The following LDLRAD4 variants were observed in gnomAD, a reference collection of about 807,000 sequenced individuals.
LDLRAD4 encodes the protein low density lipoprotein receptor class A domain containing 4.
Under a neutral mutation model 17.0 loss-of-function variants are expected in LDLRAD4, and 5 were observed. That is an observed-to-expected ratio of 0.29 (90% CI 0.15 to 0.62). The LOEUF (loss-of-function observed/expected upper bound fraction) is 0.62. Among genes scored for constraint, LDLRAD4 ranks in the 20% least tolerant of loss-of-function variants. The pLI is 0.84. For synonymous variants in LDLRAD4, 168 were observed against 171.8 expected (o/e 0.98, Z 0.17); for missense variants, 340 against 424.7 (o/e 0.80, Z 1.75).
upstream of LDLRAD4, among the ~76,000 whole-genome samples, chr18:13,274,159 T>G (rs555789573): frequency 2.1e-3 from 319 of 152,294 alleles, 1 homozygote; most frequent in Non-Finnish European, 3.3e-3. Context: ...TCCGGGAGGC[T>G]TAGTGTTTCT....
chr18:13,534,574 A>G (rs1791324939), intron 3 of LDLRAD4, among the ~76,000 whole-genome samples: 1 of 152,214 alleles, frequency 6.6e-6, no homozygotes, highest in African/African-American at 2.4e-5. Context: ...GAAAGTCAAA[A>G]TAAACACATA....
chr18:13,221,876 T>G (rs1050441651), intron 1 of LDLRAD4, among the ~76,000 whole-genome samples: 1 of 152,230 alleles, frequency 6.6e-6, no homozygotes, highest in Non-Finnish European at 1.5e-5. Context: ...CTCCCTTGAT[T>G]GGCAGCTGCG....
chr18:13,576,437 A>AG (rs1555750704), intron 3 of LDLRAD4, among the ~76,000 whole-genome samples: 9 of 83,682 alleles, frequency 1.1e-4, no homozygotes, highest in Non-Finnish European at 2.3e-4. Context: ...AAAAAAAAAA[A>AG]AAAGAAAGAA....
rs758163747 is a variant in LDLRAD4, at chr18:13,579,138, C to A, written c.182-41979C>A. Reference sequence around the variant, plus strand: ...CTGGGAGGCGGAGCTTGCAGTGAGCCGAGATCGCACCACTGTACTCCAGCC... The same window carrying A: ...CTGGGAGGCGGAGCTTGCAGTGAGCAGAGATCGCACCACTGTACTCCAGCC... On this transcript the variant is annotated intron_variant, in intron 3 of 5. Transcript: ENST00000359446. Among the ~76,000 whole-genome samples, 3 of 151,742 alleles carry A rather than the reference C, an allele frequency of 2.0e-5. No homozygotes were observed. The South Asian group carries it at 6.3e-4, about 32-fold the overall frequency.
chr18:13,607,754 G>T (rs2095238781), intron 3 of LDLRAD4, among the ~76,000 whole-genome samples: 1 of 152,190 alleles, frequency 6.6e-6, no homozygotes, highest in Non-Finnish European at 1.5e-5. Context: ...CTTCATCCAT[G>T]TCTGTGCAAA....
chr18:13,299,186 G>A (rs1050620079), intron 1 of LDLRAD4, among the ~76,000 whole-genome samples: 3 of 152,248 alleles, frequency 2.0e-5, no homozygotes, highest in African/African-American at 7.2e-5. Flanking sequence ...CGGGGTGACT[G>A]TAGCTCAATG....
intron 1 of LDLRAD4, among the ~76,000 whole-genome samples, chr18:13,364,228 C>T (rs1482137333): frequency 3.9e-5 from 6 of 152,134 alleles, no homozygotes; most frequent in Non-Finnish European, 7.4e-5. Flanking sequence ...CATGGGGTTA[C>T]GAGTATTAAT....
At chr18:13,268,292 C>T (rs1412628815) in intron 1 of LDLRAD4, among the ~76,000 whole-genome samples, 1 of 152,182 alleles carries the variant, frequency 6.6e-6, no homozygotes, top group East Asian at 1.9e-4. Flanking sequence ...GACTCTTCTC[C>T]CTGCTTCCCT....
chr18:13,442,258 G>A (rs16940550), intron 3 of LDLRAD4, among the ~76,000 whole-genome samples: 6,565 of 152,266 alleles, frequency 0.043, 405 homozygotes, highest in East Asian at 0.31. Flanking sequence ...GAGTGGGGAG[G>A]CGAATTCACA....
chr18:13,469,323 G>A (rs1408242126), intron 3 of LDLRAD4, among the ~76,000 whole-genome samples: 2 of 152,226 alleles, frequency 1.3e-5, no homozygotes, highest in Non-Finnish European at 2.9e-5. Context: ...AAAACAGTTT[G>A]ATGGTTTCTC....
chr18:13,401,095 A>G (rs546907275), intron 2 of LDLRAD4, among the ~76,000 whole-genome samples: 1 of 152,102 alleles, frequency 6.6e-6, no homozygotes, highest in African/African-American at 2.4e-5. Context: ...GCTAAGGACA[A>G]GGGAGGGCAA....
chr18:13,645,504 C>T lies in LDLRAD4; in HGVS notation c.768C>T (p.Ser256=), dbSNP rs762265107. 2.0e-5 allele frequency: 33 copies of T among 1,610,300 alleles called. No individual in the cohort carries two copies. The highest frequency in any genetic ancestry group is 5.3e-5 in the African/African-American group (4 of 74,876). ...TGGAGGGGCCACCCCCCACATACAG[C>T]GAGGTGATGGGCCACCACCCAGGCG... The change falls in exon 6 of 6, where the codon AGC becomes AGT. Residue 256 remains serine, a synonymous_variant. Coordinates refer to ENST00000359446, the Ensembl canonical transcript of LDLRAD4. The surrounding 1 kb of genome is among the most constrained non-coding windows in gnomAD (Gnocchi z 5.7).
At chr18:13,445,235 G>A (rs977529898) in intron 3 of LDLRAD4, among the ~76,000 whole-genome samples, 3 of 152,222 alleles carry the variant, frequency 2.0e-5, no homozygotes, top group African/African-American at 7.2e-5. Context: ...AAGTGTGTGA[G>A]CAGGTGTGAG....
intron 2 of LDLRAD4, among the ~76,000 whole-genome samples, chr18:13,394,316 A>G (rs2086493136): frequency 6.6e-6 from 1 of 152,172 alleles, no homozygotes; most frequent in Non-Finnish European, 1.5e-5. Flanking sequence ...AAATGTGATT[A>G]TCTTTTTTTT....
chr18:13,335,297 G>A (rs116126794), intron 1 of LDLRAD4, among the ~76,000 whole-genome samples: 1,619 of 152,084 alleles, frequency 0.011, 32 homozygotes, highest in African/African-American at 0.037. Context: ...CTCACTACAC[G>A]CCCTTACTTG....
At chr18:13,485,471 G>C (rs2093200335) in intron 3 of LDLRAD4, among the ~76,000 whole-genome samples, 1 of 152,180 alleles carries the variant, frequency 6.6e-6, no homozygotes. Flanking sequence ...TGCAGGCCAG[G>C]GACATGTATA....
intron 1 of LDLRAD4, among the ~76,000 whole-genome samples, chr18:13,323,011 C>T (rs2081338434): frequency 6.6e-6 from 1 of 152,112 alleles, no homozygotes; most frequent in South Asian, 2.1e-4. Flanking sequence ...ACTCAATTTT[C>T]TTTTTCTTCA....
At chr18:13,620,238 A>G (rs1320231325) in intron 3 of LDLRAD4, among the ~76,000 whole-genome samples, 1 of 152,162 alleles carries the variant, frequency 6.6e-6, no homozygotes, top group African/African-American at 2.4e-5. Flanking sequence ...ATGTGTGTGC[A>G]TGTGTGCTGT....
chr18:13,608,057 C>T (rs1218127672), intron 3 of LDLRAD4, among the ~76,000 whole-genome samples: 1 of 151,838 alleles, frequency 6.6e-6, no homozygotes. Context: ...TTTACACTCC[C>T]ACCAACAGTG....
Sources: gnomAD v4.1 joint callset for allele counts (sites outside exome capture counted in the v4.1 genomes callset) on GRCh38, gnomAD v4.1.1 for gene constraint, Gnocchi (gnomAD v3.1) non-coding constraint, MANE v1.5 for transcripts, NCBI Gene and HGNC (gene_info 2026-07-23, HGNC 2026-07-21) for gene names.